The following CPSF2 variants were observed in gnomAD, a reference collection of about 807,000 sequenced individuals.
The protein encoded by CPSF2 is cleavage and polyadenylation specificity factor subunit 2.
A neutral mutation model predicts 84.2 loss-of-function variants in CPSF2; 51 were observed. The observed-to-expected ratio is 0.61, with a 90% confidence interval of 0.48 to 0.77. The LOEUF is 0.77. Ranked by LOEUF, CPSF2 falls within the 30% of genes least tolerant of loss-of-function variation. The pLI, the probability that CPSF2 is intolerant of heterozygous loss-of-function variation, is 0.00. For synonymous variants in CPSF2, 286 were observed against 311.9 expected (o/e 0.92, Z 0.87); for missense variants, 641 against 929.4 (o/e 0.69, Z 4.03).
chr14:92,154,561 A>G, intron 10 of CPSF2, 103 bp downstream of exon 10: 2 of 784,290 alleles, frequency 2.6e-6, no homozygotes, highest in Non-Finnish European at 3.9e-6. Flanking sequence ...TTTTCGTAAG[A>G]CTTAATTTTG....
At chr14:92,123,458 G>C (rs990605630) in intron 1 of CPSF2, among the ~76,000 whole-genome samples, 1 of 151,696 alleles carries the variant, frequency 6.6e-6, no homozygotes, top group African/African-American at 2.4e-5. Context: ...GAGTGCAGTG[G>C]TGCCATCTCA....
chr14:92,126,699 A>G (rs2068849821), intron 2 of CPSF2, among the ~76,000 whole-genome samples: 1 of 152,064 alleles, frequency 6.6e-6, no homozygotes, highest in Non-Finnish European at 1.5e-5. Context: ...GCTACCCAGG[A>G]GGCTGAGGTG....
intron 12 of CPSF2, 135 bp downstream of exon 12, chr14:92,156,766 G>C: frequency 2.2e-6 from 1 of 460,090 alleles, no homozygotes; most frequent in Non-Finnish European, 3.5e-6. Flanking sequence ...ATTTATTTTT[G>C]TATGAAGAGA....
intron 7 of CPSF2, among the ~76,000 whole-genome samples, chr14:92,139,551 T>C (rs1386517159): frequency 1.3e-5 from 2 of 150,326 alleles, no homozygotes; most frequent in Non-Finnish European, 3.0e-5. Flanking sequence ...TTTTTTTTTT[T>C]TTTTTGAGAT....
At chr14:92,150,755 G>C (rs911315211) in intron 9 of CPSF2, among the ~76,000 whole-genome samples, 1 of 152,092 alleles carries the variant, frequency 6.6e-6, no homozygotes, top group African/African-American at 2.4e-5. Flanking sequence ...AATAATGACA[G>C]GGTTATTCAG....
intron 9 of CPSF2, among the ~76,000 whole-genome samples, chr14:92,153,367 T>C (rs1427772567): frequency 6.6e-6 from 1 of 152,148 alleles, no homozygotes; most frequent in Non-Finnish European, 1.5e-5. Context: ...ATCATTTTTA[T>C]TGGTCGTAGT....
chr14:92,142,447 T>C (rs897126334), intron 8 of CPSF2, 96 bp downstream of exon 8: 3 of 892,786 alleles, frequency 3.4e-6, no homozygotes, highest in Non-Finnish European at 5.1e-6. Context: ...TATTTTTCTC[T>C]TGAAGAGATT....
chr14:92,154,610 G>C (rs773448545), intron 10 of CPSF2, 152 bp downstream of exon 10: 5 of 566,950 alleles, frequency 8.8e-6, no homozygotes, highest in South Asian at 2.6e-5. Flanking sequence ...ACCAGATCCT[G>C]TCAGTGCTAA....
At position 92,162,935 on chromosome 14, in the gene CPSF2, A is replaced by T. The variant is rs1278722271; in HGVS notation, c.*1191A>T. 2 of 151,852 alleles carry T rather than the reference A, an allele frequency of 1.3e-5. No individual in the cohort carries two copies. Among genetic ancestry groups the T allele is most frequent in the African/African-American group, 4.8e-5 (2 of 41,350 alleles). 9.4% of individuals were successfully genotyped at this position (151,852 alleles called of 1,614,324 possible). A position where few individuals can be genotyped will look rare whatever the true frequency, so the allele number is the denominator to read the frequency against. ...TCTTTACTCTTAATTTTTTTTTGAG[A>T]CAGAGTCACCCAGGCTGGAGTGCAG... On this transcript the variant is annotated 3_prime_UTR_variant, in exon 16 of 16. Coordinates refer to ENST00000298875, the MANE Select transcript of CPSF2 (RefSeq NM_017437.3).
intron 2 of CPSF2, among the ~76,000 whole-genome samples, chr14:92,128,530 C>A (rs1038889250): frequency 5.9e-5 from 9 of 152,316 alleles, no homozygotes; most frequent in African/African-American, 2.2e-4. Context: ...ATCCCATCCC[C>A]CCGCCGGCCC....
Position 92,157,808 on chromosome 14 carries a change from G to A in CPSF2, c.1745G>A (p.Gly582Asp). 6.2e-7 allele frequency: 1 copy of A among 1,614,176 alleles called. No individual in the cohort carries two copies. The highest frequency in any genetic ancestry group is 8.5e-7 in the Non-Finnish European group (1 of 1,180,022). Residue 582 changes from glycine to aspartate, a missense_variant, in exon 13 of 16, where the codon GGT (glycine) becomes GAT (aspartate). Transcript: ENST00000298875. The surrounding 1 kb of genome is among the most constrained non-coding windows in gnomAD (Gnocchi z 4.0). ...CTGGCAGAGTGCTGTCGCGCCTTTG[G>A]TGGGAAAGATATTAAAGTGTACATG... ...QDLAECCRAF[G>D]GKDIKVYMPK...
Position 92,164,440 on chromosome 14 carries a change from A to C in CPSF2, c.*2696A>C, listed in dbSNP as rs2069417269. 1 of 152,234 alleles carries C rather than the reference A, an allele frequency of 6.6e-6. No homozygotes were observed. Among genetic ancestry groups the C allele is most frequent in the Admixed American group, 6.5e-5 (1 of 15,284 alleles). 9.4% of individuals were successfully genotyped at this position (152,234 alleles called of 1,614,324 possible). On this transcript the variant is annotated 3_prime_UTR_variant, in exon 16 of 16. Coordinates refer to ENST00000298875, the MANE Select transcript of CPSF2 (RefSeq NM_017437.3). ...TTTGTTTTAGCTTCAATTACTTCAG[A>C]AAATATAAATTTTAAAGATGACTAT...
chr14:92,130,874 T>C (rs1290825054), intron 2 of CPSF2, 77 bp from the exon 3 acceptor site: 1 of 892,592 alleles, frequency 1.1e-6, no homozygotes, highest in African/African-American at 1.8e-5. Flanking sequence ...AGATTTGAAA[T>C]AATTTTAATC....
Position 92,157,085 on chromosome 14 carries a change from T to G in CPSF2, c.1595+454T>G, listed in dbSNP as rs2069300177. 6.6e-6 allele frequency among the ~76,000 whole-genome samples: 1 copy of G among 152,238 alleles called. No individual in the cohort carries two copies. Among genetic ancestry groups the G allele is most frequent in the Non-Finnish European group, 1.5e-5 (1 of 68,044 alleles). ...AGTTAGAAACCTTTTTTCTCCCGCT[T>G]TCTACTTAGTTAAATAATACCAGTA... On this transcript the variant is annotated intron_variant, in intron 12 of 15. Coordinates refer to ENST00000298875, the MANE Select transcript of CPSF2 (RefSeq NM_017437.3). This position sits in a 1 kb window ranked among gnomAD's most constrained non-coding sequence, Gnocchi z 4.0.
At position 92,157,719 on chromosome 14, in the gene CPSF2, C is replaced by T. The variant is rs564099108; in HGVS notation, c.1656C>T (p.Ile552=). ...CTGATGGGGATTCCATTAAAAAAAT[C>T]ATTAATCAGATGAAACCACGACAGT... The part of the protein sequence containing the change: ...GRSDGDSIKK[I]INQMKPRQLI... The change falls in exon 13 of 16, where the codon ATC becomes ATT. Residue 552 remains isoleucine, a synonymous_variant. Coordinates refer to ENST00000298875, the MANE Select transcript of CPSF2 (RefSeq NM_017437.3). This position sits in a 1 kb window ranked among gnomAD's most constrained non-coding sequence, Gnocchi z 4.0. 2 of 1,614,016 alleles carry T rather than the reference C, an allele frequency of 1.2e-6. No individual in the cohort carries two copies. The highest frequency in any genetic ancestry group is 1.7e-6 in the Non-Finnish European group (2 of 1,179,980).
At position 92,167,014 on chromosome 14, in the gene CPSF2, CTTTTTTTT is replaced by C. The variant is rs61186732; in HGVS notation, c.*5278_*5285del. 1.6e-5 allele frequency: 2 copies of C among 128,972 alleles called. No individual in the cohort carries two copies. The highest frequency in any genetic ancestry group is 2.3e-4 in the East Asian group (1 of 4,326). 8.0% of individuals were successfully genotyped at this position (128,972 alleles called of 1,614,324 possible). On this transcript the variant is annotated 3_prime_UTR_variant, in exon 16 of 16. Coordinates refer to ENST00000298875, the MANE Select transcript of CPSF2 (RefSeq NM_017437.3). ...TTCTGCTTATCGATTTCTTTTTTTT[CTTTTTTTT>C]TTTTTTTGAGATAGCATCTTGCTTT...
At position 92,168,618 on chromosome 14, in the gene CPSF2, G is replaced by A. The variant is rs1386811428; in HGVS notation, c.*6874G>A. ...TTTGGAGAGTTTGAAATCTCTCCTC[G>A]TGGCTGGACGCCGTGGCTCACACCT... On this transcript the variant is annotated 3_prime_UTR_variant, in exon 16 of 16. Transcript: ENST00000298875. 6.6e-6 allele frequency: 1 copy of A among 151,762 alleles called. No homozygotes were observed. Among genetic ancestry groups the A allele is most frequent in the Non-Finnish European group, 1.5e-5 (1 of 67,948 alleles). 9.4% of individuals were successfully genotyped at this position (151,762 alleles called of 1,614,324 possible). A position where few individuals can be genotyped will look rare whatever the true frequency, so the allele number is the denominator to read the frequency against.
chr14:92,149,910 A>G (rs1157485932), intron 9 of CPSF2, among the ~76,000 whole-genome samples: 2 of 152,074 alleles, frequency 1.3e-5, no homozygotes, highest in African/African-American at 2.4e-5. Flanking sequence ...CTGCCTCAGC[A>G]TCCCAAAGTG....
chr14:92,171,700 A>G lies in CPSF2; in HGVS notation c.*9956A>G, dbSNP rs937950505. On this transcript the variant is annotated 3_prime_UTR_variant, in exon 16 of 16. Coordinates refer to ENST00000298875, the MANE Select transcript of CPSF2 (RefSeq NM_017437.3). ...GTTCTCCCAGTGGACAAATTTGGAA[A>G]TATATGCGTCTATGCTTGTTACCTC... The G allele has an allele frequency of 6.6e-6, 1 of 152,180 alleles. No homozygotes were observed. Among genetic ancestry groups the G allele is most frequent in the Non-Finnish European group, 1.5e-5 (1 of 68,036 alleles). 9.4% of individuals were successfully genotyped at this position (152,180 alleles called of 1,614,324 possible).
Sources: allele counts gnomAD v4.1 joint callset (sites outside exome capture counted in the v4.1 genomes callset), GRCh38; gene constraint gnomAD v4.1.1; non-coding constraint Gnocchi (gnomAD v3.1); transcripts MANE v1.5; gene names NCBI Gene and HGNC (gene_info 2026-07-23, HGNC 2026-07-21).